The following BLTP3B variants were observed in gnomAD, a reference collection of about 807,000 sequenced individuals.
BLTP3B encodes bridge-like lipid transfer protein family member 3B, also known as UHRF1 (ICBP90) binding protein 1-like.
At chr12:100,047,234 G>C in the BLTP3B span, among the ~76,000 whole-genome samples, 1 of 152,086 alleles carries the variant, frequency 6.6e-6, no homozygotes, top group African/African-American at 2.4e-5. Flanking sequence ...GAGGTGGCTC[G>C]CACCTGTAAT....
the BLTP3B span, among the ~76,000 whole-genome samples, chr12:100,089,939 C>T: frequency 2.6e-5 from 4 of 152,130 alleles, no homozygotes; most frequent in East Asian, 3.9e-4. Flanking sequence ...CTCACGAGAT[C>T]TGATGGTTTA....
chr12:100,100,261 C>T, the BLTP3B span, among the ~76,000 whole-genome samples: 1 of 150,762 alleles, frequency 6.6e-6, no homozygotes, highest in African/African-American at 2.4e-5. Flanking sequence ...GCTGAGATGG[C>T]ACCACTGCAC....
the BLTP3B span, among the ~76,000 whole-genome samples, chr12:100,132,679 A>G: frequency 6.6e-6 from 1 of 151,912 alleles, no homozygotes; most frequent in Non-Finnish European, 1.5e-5. Context: ...GGGTGTGGTG[A>G]CTCACGCCTG....
the BLTP3B span, among the ~76,000 whole-genome samples, chr12:100,072,459 C>T: frequency 6.6e-6 from 1 of 151,900 alleles, no homozygotes; most frequent in African/African-American, 2.4e-5. Flanking sequence ...GCAATCCCAA[C>T]ACTTTGGGAG....
At chr12:100,076,060 A>G in the BLTP3B span, among the ~76,000 whole-genome samples, 2 of 152,106 alleles carry the variant, frequency 1.3e-5, no homozygotes, top group African/African-American at 2.4e-5. Context: ...GCATCATGCA[A>G]TATAAAAATG....
the BLTP3B span, chr12:100,051,943 A>T: frequency 6.6e-6 from 1 of 152,240 alleles, no homozygotes; most frequent in Non-Finnish European, 1.5e-5. Flanking sequence ...GCTACTTGGG[A>T]GGCTGAGGCA....
At chr12:100,090,097 T>G in the BLTP3B span, among the ~76,000 whole-genome samples, 1 of 152,332 alleles carries the variant, frequency 6.6e-6, no homozygotes, top group Non-Finnish European at 1.5e-5. Flanking sequence ...CTGTCTCGGG[T>G]ATGTCTTTAT....
At chr12:100,092,472 T>G in the BLTP3B span, among the ~76,000 whole-genome samples, 4 of 152,126 alleles carry the variant, frequency 2.6e-5, no homozygotes, top group Non-Finnish European at 5.9e-5. Flanking sequence ...AAAGTACATA[T>G]GCTGGGGCAA....
the BLTP3B span, among the ~76,000 whole-genome samples, chr12:100,088,715 AGCTT>A: frequency 1.3e-5 from 2 of 152,230 alleles, no homozygotes; most frequent in Admixed American, 1.3e-4. Flanking sequence ...CAAATAATTA[AGCTT>A]AAGTACTGCT....
At chr12:100,099,486 C>T in the BLTP3B span, among the ~76,000 whole-genome samples, 1 of 150,952 alleles carries the variant, frequency 6.6e-6, no homozygotes, top group Admixed American at 6.6e-5. Context: ...AGAGGCCACA[C>T]ATGGTAGCTC....
chr12:100,142,723 C>T, the BLTP3B span: 1 of 1,531,260 alleles, frequency 6.5e-7, no homozygotes, highest in Non-Finnish European at 8.8e-7. Context: ...CCGGCTAGCC[C>T]GGCCGGCGGA....
At chr12:100,102,984 T>C in the BLTP3B span, 83 of 573,172 alleles carry the variant, frequency 1.4e-4, no homozygotes, top group Non-Finnish European at 2.1e-4. Flanking sequence ...CAGAGTCATT[T>C]AAGTGCCTCT....
chr12:100,077,638 T>G, the BLTP3B span, among the ~76,000 whole-genome samples: 90 of 152,306 alleles, frequency 5.9e-4, no homozygotes, highest in African/African-American at 1.9e-3. Context: ...GGGGCAAAAT[T>G]GGTCCCAGAG....
the BLTP3B span, among the ~76,000 whole-genome samples, chr12:100,094,358 GC>G: frequency 6.6e-6 from 1 of 152,030 alleles, no homozygotes; most frequent in Non-Finnish European, 1.5e-5. Flanking sequence ...TAAACCTCCT[GC>G]CTCAGCCTCC....
At chr12:100,063,991 G>A in the BLTP3B span, among the ~76,000 whole-genome samples, 3 of 152,262 alleles carry the variant, frequency 2.0e-5, no homozygotes, top group Admixed American at 2.0e-4. Flanking sequence ...AGGCTAATCA[G>A]GGAGGCACCA....
chr12:100,132,168 T>G, the BLTP3B span, among the ~76,000 whole-genome samples: 1 of 152,214 alleles, frequency 6.6e-6, no homozygotes. Context: ...TGATAAGAGA[T>G]CAACTTATTT....
At chr12:100,039,034 G>A in the BLTP3B span, among the ~76,000 whole-genome samples, 1 of 152,034 alleles carries the variant, frequency 6.6e-6, no homozygotes, top group African/African-American at 2.4e-5. Context: ...ATCATCTACT[G>A]CTGAATTCTA....
chr12:100,082,192 G>A, the BLTP3B span, among the ~76,000 whole-genome samples: 4 of 152,132 alleles, frequency 2.6e-5, no homozygotes, highest in Non-Finnish European at 5.9e-5. Context: ...ATGCTTGTTG[G>A]CTGCACATAT....
At chr12:100,051,319 T>G in the BLTP3B span, 8 of 1,098,214 alleles carry the variant, frequency 7.3e-6, no homozygotes, top group African/African-American at 3.2e-5. Flanking sequence ...TCCCTTCAAC[T>G]CTTTCTCAAG....
Sources: allele counts gnomAD v4.1 joint callset (sites outside exome capture counted in the v4.1 genomes callset), GRCh38; gene constraint gnomAD v4.1.1; transcripts MANE v1.5; gene names NCBI Gene and HGNC (gene_info 2026-07-23, HGNC 2026-07-21).